Variants in SLCO4A1 observed in about 807,000 individuals in gnomAD.
SLCO4A1 encodes colon organic anion transporter.
A neutral mutation model predicts 64.6 loss-of-function variants in SLCO4A1; 51 were observed. The observed-to-expected ratio is 0.79, with a 90% confidence interval of 0.63 to 1.00. The LOEUF (loss-of-function observed/expected upper bound fraction) is 1.00, where lower values mean the gene tolerates loss of function less well. Among genes scored for constraint, SLCO4A1 ranks in the 50% least tolerant of loss-of-function variants. The probability of loss-of-function intolerance (pLI) is 0.00; values close to 1 mark genes in which losing one functional copy is unlikely to be tolerated. For synonymous variants in SLCO4A1, 471 were observed against 444.9 expected, an observed-to-expected ratio of 1.06 and a Z score of -0.74; for missense variants, 919 against 980.5, an observed-to-expected ratio of 0.94 and a Z score of 0.84.
At chr20:62,668,365 G>GC (rs1185682102) in intron 9 of SLCO4A1, 112 bp from the exon 10 acceptor site, 9 of 1,300,122 alleles carry the variant, frequency 6.9e-6, no homozygotes, top group Non-Finnish European at 1.0e-5. Context: ...TTCCCACTTG[G>GC]GGGGGGGTGA....
At chr20:62,675,207 C>T (rs941863064), downstream of SLCO4A1, among the ~76,000 whole-genome samples, 9 of 152,174 alleles carry the variant, frequency 5.9e-5, no homozygotes, top group African/African-American at 1.4e-4. Flanking sequence ...GCCCCCAAAG[C>T]GACTGGGTGT....
At chr20:62,647,029 G>A (rs1981468344) in intron 1 of SLCO4A1, among the ~76,000 whole-genome samples, 2 of 152,248 alleles carry the variant, frequency 1.3e-5, no homozygotes, top group South Asian at 4.1e-4. Flanking sequence ...CTTCATTGTC[G>A]GCCCCATACA....
Position 62,653,880 on chromosome 20 carries a change from G to A in SLCO4A1, c.-96-2479G>A, listed in dbSNP as rs139053181. ...ACAGGGCAGGGAACATCACACCCCG[G>A]GGCCTGCCATGGGGTGGGGGGAGGG... On this transcript the variant is annotated intron_variant, in intron 1 of 11. Coordinates refer to ENST00000217159, the MANE Select transcript of SLCO4A1 (RefSeq NM_016354.4). 6.1e-3 allele frequency among the ~76,000 whole-genome samples: 902 copies of A among 147,858 alleles called. 7 individuals carry two copies. The highest frequency in any genetic ancestry group is 0.021 in the African/African-American group (840 of 40,232).
intron 2 of SLCO4A1, among the ~76,000 whole-genome samples, chr20:62,678,178 C>T (rs1480871693): frequency 6.6e-6 from 1 of 152,182 alleles, no homozygotes; most frequent in Non-Finnish European, 1.5e-5. Flanking sequence ...GCGGCGACTC[C>T]AGGCAGAAAC....
Position 62,660,506 on chromosome 20 carries a change from A to G in SLCO4A1, c.982A>G (p.Ile328Val). The change falls in exon 4 of 12, where the codon ATC becomes GTC. Residue 328 changes from isoleucine (I) to valine (V), a missense_variant. Transcript: ENST00000217159. ...CGCTGCTTTCTTCACCGCCGTTCCC[A>G]TCCTTGGTTACCCTCGGCAGCTGCC... ...GAAAFFTAVPILGYPRQLPGS... is the reference protein window; with the variant it reads ...GAAAFFTAVPVLGYPRQLPGS... 6.2e-7 allele frequency: 1 copy of G among 1,605,202 alleles called. No individual in the cohort carries two copies. The highest frequency in any genetic ancestry group is 8.5e-7 in the Non-Finnish European group (1 of 1,179,846).
In SLCO4A1 at chr20:62,658,758, T is replaced by C. The variant is rs752688825; in HGVS notation, c.878T>C (p.Met293Thr). ...GGALLNIYTE[M>T]GRRTELTTES... ...GCCCTGCTGAATATCTACACGGAAATGGGCCGACGGTGAGTGGCCGCGCAC... is the reference window on the plus strand; with the variant it reads ...GCCCTGCTGAATATCTACACGGAAACGGGCCGACGGTGAGTGGCCGCGCAC... The change falls in exon 3 of 12, where the codon ATG becomes ACG. Residue 293 changes from methionine (M) to threonine (T), a missense_variant. Transcript: ENST00000217159. 3 of 1,609,366 alleles carry C rather than the reference T, an allele frequency of 1.9e-6. No individual in the cohort carries two copies. The South Asian group carries it at 3.3e-5, about 18-fold the overall frequency.
At chr20:62,666,636 A>T in intron 7 of SLCO4A1, 61 bp downstream of exon 7, 1 of 1,418,208 alleles carries the variant, frequency 7.1e-7, no homozygotes, top group Non-Finnish European at 9.8e-7. Context: ...GTCCCTGGGC[A>T]TGGAGGAGGA....
At chr20:62,668,891 C>G (rs1474308304) in intron 10 of SLCO4A1, 39 bp from the exon 11 acceptor site, 1 of 1,591,028 alleles carries the variant, frequency 6.3e-7, no homozygotes, top group South Asian at 1.1e-5. Flanking sequence ...AGCCCCTACC[C>G]ACCAGGAGTG....
intron 1 of SLCO4A1, chr20:62,650,310 C>T (rs1318998377): frequency 2.6e-5 from 4 of 152,572 alleles, no homozygotes; most frequent in African/African-American, 9.6e-5. Flanking sequence ...CCCTTCTTCC[C>T]CAAGCCCAGC....
downstream of SLCO4A1, among the ~76,000 whole-genome samples, chr20:62,687,025 GAAGGGCACCCCCAAACAGGAGCAATGGGA>G (rs1185472445): frequency 1.1e-3 from 161 of 143,664 alleles, no homozygotes; most frequent in African/African-American, 4.2e-3. Context: ...GGCACAATGG[GAAGGGCACCCCCAAACAGGAGCAATGGGA>G]AAGGGCACCC....
At position 62,671,782 on chromosome 20, in the gene SLCO4A1, C is replaced by T; in HGVS notation, c.2058C>T (p.Cys686=). 6.2e-7 allele frequency: 1 copy of T among 1,613,694 alleles called. No individual in the cohort carries two copies. The highest frequency in any genetic ancestry group is 8.5e-7 in the Non-Finnish European group (1 of 1,180,020). The change falls in exon 12 of 12, where the codon TGC becomes TGT. Residue 686 remains cysteine (C), a synonymous_variant. Transcript: ENST00000217159. ...GCGTCCTCTTCTTTGCCATAGCCTG[C>T]TTCTTATACAAGCCCCTGTCGGAGT... is the stretch of plus-strand genomic sequence containing the variant. ...VLGVLFFAIA[C]FLYKPLSESS... is the part of the protein sequence containing the mutation.
chr20:62,655,564 G>A (rs1318925589), intron 1 of SLCO4A1, among the ~76,000 whole-genome samples: 1 of 152,190 alleles, frequency 6.6e-6, no homozygotes, highest in Non-Finnish European at 1.5e-5. Context: ...GGATGGTGGG[G>A]AACAGGGCTG....
intron 7 of SLCO4A1, 46 bp from the exon 8 acceptor site, chr20:62,667,699 A>G: frequency 1.9e-6 from 3 of 1,561,482 alleles, no homozygotes; most frequent in Middle Eastern, 2.4e-4. Context: ...GGGCGCCAGC[A>G]TGGCTCTGGC....
rs780102076 is a variant in SLCO4A1, at chr20:62,665,104, C to T, written c.1276+16C>T. On this transcript the variant is annotated intron_variant, in intron 6 of 11. Coordinates refer to ENST00000217159, the MANE Select transcript of SLCO4A1 (RefSeq NM_016354.4). ...ACCTTGTTTGGTGAGAAAACTGAAT[C>T]TTGGGGGTCCTCTGCTTTTATGTCA... is the stretch of plus-strand genomic sequence containing the variant. 53 of 1,595,968 alleles carry T rather than the reference C, an allele frequency of 3.3e-5. No individual in the cohort carries two copies. Among genetic ancestry groups the T allele is most frequent in the Non-Finnish European group, 4.3e-5 (51 of 1,172,650 alleles).
chr20:62,690,643 A>G (rs1037020697), downstream of SLCO4A1, among the ~76,000 whole-genome samples: 28 of 152,262 alleles, frequency 1.8e-4, no homozygotes, highest in Non-Finnish European at 3.2e-4. Context: ...AATGGAAAGG[A>G]AACACCCTAC....
chr20:62,677,454 A>G (rs1397578330), intron 2 of SLCO4A1, among the ~76,000 whole-genome samples: 2 of 152,160 alleles, frequency 1.3e-5, no homozygotes, highest in African/African-American at 2.4e-5. Context: ...CTCTGCCAGG[A>G]GAGCATGTGT....
intron 2 of SLCO4A1, among the ~76,000 whole-genome samples, chr20:62,681,478 GT>G (rs1451980823): frequency 1.3e-5 from 2 of 149,940 alleles, no homozygotes; most frequent in East Asian, 2.0e-4. Context: ...TCGTGTGTGT[GT>G]TAAGCTGTGT....
chr20:62,668,586 T>C (rs1211433242), intron 10 of SLCO4A1, 45 bp downstream of exon 10: 2 of 1,528,488 alleles, frequency 1.3e-6, no homozygotes, highest in Non-Finnish European at 1.8e-6. Context: ...CACAGTGTGC[T>C]CACTGCACAA....
intron 1 of SLCO4A1, chr20:62,650,548 T>C (rs3842839): frequency 0.96 from 146,737 of 152,388 alleles, 70,909 homozygotes; most frequent in East Asian, 1. Flanking sequence ...AACGCAGAGG[T>C]GACGTTCACC....
Sources: allele counts gnomAD v4.1 joint callset (sites outside exome capture counted in the v4.1 genomes callset), GRCh38; gene constraint gnomAD v4.1.1; transcripts MANE v1.5; gene names NCBI Gene and HGNC (gene_info 2026-07-23, HGNC 2026-07-21).